The following ADPRM variants were observed in gnomAD, a reference collection of about 807,000 sequenced individuals.
The protein encoded by ADPRM is manganese-dependent ADP-ribose/CDP-alcohol diphosphatase.
In ADPRM, 17 loss-of-function variants were observed where a neutral mutation model predicts 27.2. The observed-to-expected ratio is 0.63, with a 90% CI of 0.43 to 0.94. The LOEUF is 0.94. Among genes scored for constraint, ADPRM ranks in the 40% least tolerant of loss-of-function variants. ADPRM has a pLI of 0.00. For synonymous variants in ADPRM, 135 were observed against 145.3 expected, an observed-to-expected ratio of 0.93 and a Z score of 0.51; for missense variants, 337 against 412.8, an observed-to-expected ratio of 0.82 and a Z score of 1.59.
In ADPRM at chr17:10,710,902, G is replaced by C; in HGVS notation, c.787G>C (p.Ala263Pro). The C allele has an allele frequency of 6.2e-7, 1 of 1,614,176 alleles. No homozygotes were observed. The highest frequency in any genetic ancestry group is 8.5e-7 in the Non-Finnish European group (1 of 1,180,036). Residue 263 changes from alanine (A) to proline (P), a missense_variant, in exon 4 of 4, where the codon GCA becomes CCA. Physicochemically the swap from Ala to Pro is conservative, Grantham distance 27. Coordinates refer to ENST00000379774, the MANE Select transcript of ADPRM (RefSeq NM_020233.5). Reference sequence around the variant, plus strand: ...GGCCTGGAACTACAGAGATGCCCTGGCAGTCATTTGGTCTCATGAGTGTGT... The same window carrying C: ...GGCCTGGAACTACAGAGATGCCCTGCCAGTCATTTGGTCTCATGAGTGTGT... ...CLAWNYRDAL[A>P]VIWSHECVVC...
intron 1 of ADPRM, among the ~76,000 whole-genome samples, chr17:10,699,819 A>G (rs1474180909): frequency 6.6e-6 from 1 of 152,080 alleles, no homozygotes; most frequent in Admixed American, 6.5e-5. Context: ...GGCTTGCGCC[A>G]CCACACCCGG....
At chr17:10,706,955 G>A (rs1181785030) in intron 3 of ADPRM, among the ~76,000 whole-genome samples, 1 of 152,016 alleles carries the variant, frequency 6.6e-6, no homozygotes, top group African/African-American at 2.4e-5. Context: ...TTAACATTTT[G>A]TAAAACTTTA....
In ADPRM at chr17:10,701,399, C is replaced by T. The variant is rs375956785; in HGVS notation, c.-17-3511C>T. Among the ~76,000 whole-genome samples the T allele has an allele frequency of 2.0e-3, 308 of 151,838 alleles. 2 individuals carry two copies. The highest frequency in any genetic ancestry group is 6.9e-3 in the African/African-American group (287 of 41,400). On this transcript the variant is annotated intron_variant, in intron 1 of 3. Coordinates refer to ENST00000379774, the MANE Select transcript of ADPRM (RefSeq NM_020233.5). ...AGGCTGGAGTGCAGTGGCGCGATCTCGGCTCACTGCAAGCTCCGCCTCCCA... is the reference window on the plus strand; with the variant it reads ...AGGCTGGAGTGCAGTGGCGCGATCTTGGCTCACTGCAAGCTCCGCCTCCCA...
At chr17:10,708,668 A>G (rs1216497488) in intron 3 of ADPRM, among the ~76,000 whole-genome samples, 3 of 152,198 alleles carry the variant, frequency 2.0e-5, no homozygotes, top group Non-Finnish European at 4.4e-5. Context: ...TTTTGGCTCT[A>G]TAATAAGTGG....
chr17:10,699,221 A>T lies in ADPRM; in HGVS notation c.-18+1554A>T, dbSNP rs569937761. ...GAGTTTGAAGCTGCAGTGAGCTGTG[A>T]TCGGGCCACTGCCTTCCAGTCTGGG... On this transcript the variant is annotated intron_variant, in intron 1 of 3. Transcript: ENST00000379774. 3.9e-5 allele frequency: 6 copies of T among 152,314 alleles called. 2 individuals carry two copies. Among genetic ancestry groups the T allele is most frequent in the African/African-American group, 1.2e-4 (5 of 41,564 alleles). The allele number at this position is 152,314 out of a possible 1,614,324, so 9.4% of individuals were successfully genotyped here.
intron 1 of ADPRM, among the ~76,000 whole-genome samples, chr17:10,698,673 T>C (rs2520166): frequency 0.054 from 8,155 of 152,314 alleles, 702 homozygotes; most frequent in African/African-American, 0.18. Context: ...TTCTGTTCTC[T>C]AACCCAGTAA....
chr17:10,700,627 G>C, intron 1 of ADPRM, among the ~76,000 whole-genome samples: 1 of 151,728 alleles, frequency 6.6e-6, no homozygotes, highest in East Asian at 1.9e-4. Flanking sequence ...AGTCAGGTGT[G>C]GTGGTACATG....
intron 3 of ADPRM, 87 bp downstream of exon 3, chr17:10,706,641 C>T (rs897443434): frequency 2.3e-5 from 21 of 905,546 alleles, no homozygotes; most frequent in African/African-American, 2.3e-4. Flanking sequence ...ATTTGTGTTT[C>T]GATATCCTCT....
intron 3 of ADPRM, among the ~76,000 whole-genome samples, chr17:10,709,893 G>A (rs1004155886): frequency 2.0e-5 from 3 of 152,100 alleles, no homozygotes; most frequent in African/African-American, 7.2e-5. Flanking sequence ...TCAGAAATTA[G>A]AACTTCTCCT....
At chr17:10,707,877 G>T (rs995072156) in intron 3 of ADPRM, among the ~76,000 whole-genome samples, 2 of 152,234 alleles carry the variant, frequency 1.3e-5, no homozygotes, top group Non-Finnish European at 2.9e-5. Context: ...AAGCGTGTAT[G>T]TGCGCATGGG....
Position 10,702,847 on chromosome 17 carries a change from A to G in ADPRM, c.-17-2063A>G, listed in dbSNP as rs2520149. On this transcript the variant is annotated intron_variant, in intron 1 of 3. Coordinates refer to ENST00000379774, the MANE Select transcript of ADPRM (RefSeq NM_020233.5). This position sits in a 1 kb window ranked among gnomAD's most constrained non-coding sequence, Gnocchi z 4.2. ...AAAATTGGGTGCTGTCACCTTAAGAACAGGAAATGAATGCTGGGTAGGCAA... is the reference window on the plus strand; with the variant it reads ...AAAATTGGGTGCTGTCACCTTAAGAGCAGGAAATGAATGCTGGGTAGGCAA... Among the ~76,000 whole-genome samples the G allele has an allele frequency of 0.059, 8,958 of 152,190 alleles. 881 individuals are homozygous for G. The highest frequency in any genetic ancestry group is 0.2 in the African/African-American group (8,334 of 41,464).
chr17:10,699,746 A>C (rs932281896), intron 1 of ADPRM, among the ~76,000 whole-genome samples: 1 of 151,938 alleles, frequency 6.6e-6, no homozygotes, highest in African/African-American at 2.4e-5. Flanking sequence ...GTTAGCTAGG[A>C]CGGTCTCGAT....
intron 2 of ADPRM, 68 bp from the exon 3 acceptor site, chr17:10,706,370 A>G: frequency 6.6e-6 from 7 of 1,063,958 alleles, no homozygotes; most frequent in Non-Finnish European, 9.9e-6. Flanking sequence ...CCCTACATTA[A>G]CTAAATTTGA....
At position 10,702,137 on chromosome 17, in the gene ADPRM, G is replaced by A. The variant is rs1287520602; in HGVS notation, c.-17-2773G>A. On this transcript the variant is annotated intron_variant, in intron 1 of 3. Transcript: ENST00000379774. The surrounding 1 kb of genome is among the most constrained non-coding windows in gnomAD (Gnocchi z 4.2). ...TATATTCCAAAATCTGAAAAAGTCC[G>A]AAATCTAAAACACTTCTGGTCCCAA... Among the ~76,000 whole-genome samples the A allele has an allele frequency of 2.0e-5, 3 of 152,162 alleles. No individual in the cohort carries two copies. Among genetic ancestry groups the A allele is most frequent in the Admixed American group, 1.3e-4 (2 of 15,274 alleles).
rs902034610 is a variant in ADPRM, at chr17:10,705,853, C to G, written c.601+326C>G. 1 of 318,786 alleles carries G rather than the reference C, an allele frequency of 3.1e-6. No homozygotes were observed. Among genetic ancestry groups the G allele is most frequent in the Non-Finnish European group, 5.9e-6 (1 of 170,752 alleles). 19.7% of individuals were successfully genotyped at this position (318,786 alleles called of 1,614,324 possible). A position where few individuals can be genotyped will look rare whatever the true frequency, so the allele number is the denominator to read the frequency against. On this transcript the variant is annotated intron_variant, in intron 2 of 3. Transcript: ENST00000379774. The surrounding 1 kb of genome is among the most constrained non-coding windows in gnomAD (Gnocchi z 5.4). ...TGGGCAAGACAGATGATAAATGAAA[C>G]AGAAACAAGATTATTTCCACGGTCG...
chr17:10,707,184 A>G (rs1301366511), intron 3 of ADPRM, among the ~76,000 whole-genome samples: 1 of 152,148 alleles, frequency 6.6e-6, no homozygotes, highest in Non-Finnish European at 1.5e-5. Flanking sequence ...AGCCTGGCCA[A>G]CATGGTGAAA....
intron 3 of ADPRM, among the ~76,000 whole-genome samples, chr17:10,709,467 G>A (rs566560022): frequency 5.3e-5 from 8 of 152,272 alleles, no homozygotes; most frequent in East Asian, 1.9e-4. Context: ...CTGGTAAGAC[G>A]TTGGGGAAAT....
chr17:10,700,593 G>GAAA (rs61527217), intron 1 of ADPRM, among the ~76,000 whole-genome samples: 52 of 110,430 alleles, frequency 4.7e-4, no homozygotes, highest in African/African-American at 1.5e-3. Flanking sequence ...CTCTACAAAA[G>GAAA]AAAAAAAAAA....
At chr17:10,699,539 T>C (rs1400656702) in intron 1 of ADPRM, among the ~76,000 whole-genome samples, 1 of 142,792 alleles carries the variant, frequency 7.0e-6, no homozygotes, top group Non-Finnish European at 1.5e-5. Context: ...TTTTTTTTTT[T>C]TGAGACAAAG....
Sources: allele counts gnomAD v4.1 joint callset (sites outside exome capture counted in the v4.1 genomes callset), GRCh38; gene constraint gnomAD v4.1.1; non-coding constraint Gnocchi (gnomAD v3.1); transcripts MANE v1.5; gene names NCBI Gene and HGNC (gene_info 2026-07-23, HGNC 2026-07-21).